Variants in CSMD1 observed in about 807,000 individuals in gnomAD.
CSMD1 encodes CUB and Sushi multiple domains 1.
Under a neutral mutation model 417.5 loss-of-function variants are expected in CSMD1, and 213 were observed. That is an observed-to-expected ratio of 0.51 (90% CI 0.46 to 0.57). CSMD1 has a LOEUF of 0.57. Among genes scored for constraint, CSMD1 ranks in the 20% least tolerant of loss-of-function variants. The probability of loss-of-function intolerance (pLI) is 0.00; values close to 1 mark genes in which losing one functional copy is unlikely to be tolerated. For synonymous variants in CSMD1, 2,862 were observed against 1,736.8 expected (o/e 1.65, Z -16.11); for missense variants, 6,923 against 4,529.7 (o/e 1.53, Z -15.17).
At chr8:3,669,375 G>A (rs763873311) in intron 7 of CSMD1, among the ~76,000 whole-genome samples, 1 of 152,134 alleles carries the variant, frequency 6.6e-6, no homozygotes, top group Non-Finnish European at 1.5e-5. Flanking sequence ...GAGGGTCCAA[G>A]GCCTTGAGCT....
At chr8:4,123,481 G>A (rs938994206) in intron 3 of CSMD1, among the ~76,000 whole-genome samples, 9 of 152,170 alleles carry the variant, frequency 5.9e-5, no homozygotes, top group Non-Finnish European at 1.0e-4. Context: ...AATCAGTGCA[G>A]TTGAATTGCT....
At chr8:4,988,378 T>C (rs554918426) in intron 1 of CSMD1, among the ~76,000 whole-genome samples, 16 of 152,166 alleles carry the variant, frequency 1.1e-4, no homozygotes, top group Admixed American at 5.2e-4. Context: ...CTAAAACTAG[T>C]TCAGGATTTC....
chr8:3,540,961 G>T (rs1350940665), intron 10 of CSMD1, among the ~76,000 whole-genome samples: 1 of 152,222 alleles, frequency 6.6e-6, no homozygotes, highest in Non-Finnish European at 1.5e-5. Context: ...CATTGTGGAG[G>T]ACAGTGTGGT....
chr8:4,654,183 A>G (rs1160054801), intron 1 of CSMD1, among the ~76,000 whole-genome samples: 1 of 151,692 alleles, frequency 6.6e-6, no homozygotes, highest in Non-Finnish European at 1.5e-5. Context: ...TCTTTGACCT[A>G]CTCTTCTGGA....
At chr8:4,394,723 A>G (rs1420380812) in intron 3 of CSMD1, among the ~76,000 whole-genome samples, 1 of 152,174 alleles carries the variant, frequency 6.6e-6, no homozygotes, top group Admixed American at 6.5e-5. Flanking sequence ...GCCCAGATCA[A>G]AGAGTGACAT....
chr8:3,182,708 G>C (rs1486248503), intron 36 of CSMD1, among the ~76,000 whole-genome samples: 1 of 71,564 alleles, frequency 1.4e-5, no homozygotes, highest in Non-Finnish European at 3.0e-5. Flanking sequence ...TGTGTGTATT[G>C]TTAGTAGAGA....
At chr8:4,919,248 C>A (rs1157639674) in intron 1 of CSMD1, among the ~76,000 whole-genome samples, 1 of 152,140 alleles carries the variant, frequency 6.6e-6, no homozygotes, top group Non-Finnish European at 1.5e-5. Flanking sequence ...CAGAAATAAT[C>A]TCTTGCCCAA....
At chr8:3,130,524 T>G (rs1021959970) in intron 41 of CSMD1, among the ~76,000 whole-genome samples, 2 of 152,054 alleles carry the variant, frequency 1.3e-5, no homozygotes, top group African/African-American at 2.4e-5. Context: ...TGACATCACA[T>G]TGCACCTAGA....
At chr8:4,431,556 C>A (rs901914156) in intron 2 of CSMD1, among the ~76,000 whole-genome samples, 1 of 152,062 alleles carries the variant, frequency 6.6e-6, no homozygotes, top group Non-Finnish European at 1.5e-5. Context: ...CTACACCAGC[C>A]CCGGCCCCAT....
At chr8:3,220,686 C>G (rs900212092) in intron 28 of CSMD1, among the ~76,000 whole-genome samples, 2 of 152,090 alleles carry the variant, frequency 1.3e-5, no homozygotes, top group African/African-American at 4.8e-5. Flanking sequence ...CAAAAATTAG[C>G]AGAGCATGGT....
intron 5 of CSMD1, among the ~76,000 whole-genome samples, chr8:3,902,361 C>T (rs1174933126): frequency 6.6e-6 from 1 of 152,138 alleles, no homozygotes; most frequent in Non-Finnish European, 1.5e-5. Flanking sequence ...TTTCTGTTTA[C>T]AAAAACATGT....
chr8:4,583,304 G>C (rs1323766886), intron 2 of CSMD1, among the ~76,000 whole-genome samples: 3 of 152,222 alleles, frequency 2.0e-5, no homozygotes, highest in Non-Finnish European at 4.4e-5. Context: ...GAGTCTGGTG[G>C]GGCCTTGGAG....
chr8:3,052,360 G>A lies in CSMD1; in HGVS notation c.7660+102C>T, dbSNP rs939608073. On this transcript the variant is annotated intron_variant, in intron 50 of 69. Coordinates refer to ENST00000635120, the MANE Select transcript of CSMD1 (RefSeq NM_033225.6). ...ATGAAAGACACCAAATCCTCACAAGGTGTGGGAGAGGACCTCTGAACGTGG... is the reference window on the plus strand; with the variant it reads ...ATGAAAGACACCAAATCCTCACAAGATGTGGGAGAGGACCTCTGAACGTGG... The A allele has an allele frequency of 4.0e-6, 3 of 742,720 alleles. No homozygotes were observed. The African/African-American group carries it at 5.3e-5, about 13-fold the overall frequency. 46.0% of individuals were successfully genotyped at this position (742,720 alleles called of 1,614,324 possible).
chr8:4,417,293 T>C (rs1054178125), intron 3 of CSMD1, among the ~76,000 whole-genome samples: 1 of 152,034 alleles, frequency 6.6e-6, no homozygotes, highest in Admixed American at 6.6e-5. Flanking sequence ...TTATGTAGCT[T>C]AATAGTTCCA....
In CSMD1 at chr8:3,000,097, G is replaced by A. The variant is rs141445155; in HGVS notation, c.8064C>T (p.Asn2688=). The A allele has an allele frequency of 5.6e-4, 878 of 1,570,504 alleles. 8 individuals carry two copies. In the African/African-American group the frequency reaches 9.0e-3, roughly 16 times the overall value. ...TGAAGCCATCTCCACTAATGTGACC[G>A]TTCACAATCGGGTCTGGGGAACCGC... ...GHCGSPDPIV[N]GHISGDGFSY... Residue 2688 remains asparagine, a synonymous_variant, in exon 53 of 70, where the codon AAC becomes AAT. Transcript: ENST00000635120.
At chr8:4,890,810 C>G (rs988987137) in intron 1 of CSMD1, among the ~76,000 whole-genome samples, 6 of 152,118 alleles carry the variant, frequency 3.9e-5, no homozygotes, top group African/African-American at 7.2e-5. Context: ...GTTAAGGACG[C>G]TTTTGTCGAC....
Position 3,753,942 on chromosome 8 carries a change from C to G in CSMD1, c.919G>C (p.Ala307Pro), listed in dbSNP as rs368828677. 6.2e-7 allele frequency: 1 copy of G among 1,608,138 alleles called. No individual in the cohort carries two copies. Among genetic ancestry groups the G allele is most frequent in the Non-Finnish European group, 8.5e-7 (1 of 1,175,842 alleles). The part of the protein sequence containing the change: ...DSNHRRKGFN[A>P]QFQVKKAIEL... ...GGAGCATCCTTACCTTGGAACTGAG[C>G]GTTAAATCCTTTGCGTCGGTGGTTG... The change falls in exon 6 of 70, where the codon GCT becomes CCT. Residue 307 changes from alanine (A) to proline (P), a missense_variant. Transcript: ENST00000635120.
intron 50 of CSMD1, among the ~76,000 whole-genome samples, chr8:3,039,707 C>T (rs553647337): frequency 3.3e-5 from 5 of 152,228 alleles, no homozygotes; most frequent in African/African-American, 1.2e-4. Context: ...AAAGGCATTT[C>T]ACAGGCCTAA....
At chr8:3,874,562 G>A (rs528583975) in intron 5 of CSMD1, among the ~76,000 whole-genome samples, 4 of 152,268 alleles carry the variant, frequency 2.6e-5, no homozygotes, top group South Asian at 2.1e-4. Context: ...GGGAGATGTT[G>A]CTGCCTCTGT....
Sources: allele counts gnomAD v4.1 joint callset (sites outside exome capture counted in the v4.1 genomes callset), GRCh38; gene constraint gnomAD v4.1.1; transcripts MANE v1.5; gene names NCBI Gene and HGNC (gene_info 2026-07-23, HGNC 2026-07-21).